COL23A1: variants seen among roughly 807,000 people sequenced by gnomAD.
The protein encoded by COL23A1 is collagen alpha-1(XXIII) chain.
In COL23A1, 97 loss-of-function variants were observed where a neutral mutation model predicts 99.3. The observed-to-expected ratio is 0.98, with a 90% CI of 0.83 to 1.16. The LOEUF (loss-of-function observed/expected upper bound fraction) is 1.16. COL23A1 is among the 50% of genes most tolerant of loss of function. COL23A1 has a pLI of 0.00. For missense variants in COL23A1, 762 were observed against 757.4 expected (o/e 1.01, Z -0.07); for synonymous variants, 320 against 308.2 (o/e 1.04, Z -0.40).
chr5:178,346,688 C>T (rs369568858), intron 2 of COL23A1, among the ~76,000 whole-genome samples: 20 of 152,230 alleles, frequency 1.3e-4, no homozygotes, highest in Admixed American at 8.5e-4. Flanking sequence ...CCTGTAGATG[C>T]TGAAATCACA....
chr5:178,360,362 G>A lies in COL23A1; in HGVS notation c.362-53443C>T, dbSNP rs748059996. On this transcript the variant is annotated intron_variant, in intron 2 of 28. Transcript: ENST00000390654. ...TTAGATTGCAAAATCTTTTCCCAGC[G>A]GGGACAGGTCAATTTAAAGTGGCGG... Among the ~76,000 whole-genome samples, 3 of 152,198 alleles carry A rather than the reference G, an allele frequency of 2.0e-5. No homozygotes were observed. The South Asian group carries it at 6.2e-4, about 32-fold the overall frequency.
chr5:178,301,441 T>C (rs141881192), intron 3 of COL23A1, among the ~76,000 whole-genome samples: 182 of 152,382 alleles, frequency 1.2e-3, no homozygotes, highest in African/African-American at 4.1e-3. Context: ...TCCTCAGGGA[T>C]AGTTTCTATT....
intron 2 of COL23A1, among the ~76,000 whole-genome samples, chr5:178,410,922 T>TA (rs1765024468): frequency 1.3e-5 from 2 of 152,212 alleles, no homozygotes; most frequent in South Asian, 4.2e-4. Context: ...ATAATCAAAT[T>TA]AAAAAACGCT....
chr5:178,264,781 C>T (rs772563058), intron 8 of COL23A1, among the ~76,000 whole-genome samples: 20 of 152,136 alleles, frequency 1.3e-4, no homozygotes, highest in Non-Finnish European at 2.4e-4. Flanking sequence ...CTCAGCCTCC[C>T]GAGTAGGTGG....
chr5:178,357,496 C>T (rs1015163961), intron 2 of COL23A1, among the ~76,000 whole-genome samples: 14 of 152,186 alleles, frequency 9.2e-5, no homozygotes, highest in African/African-American at 2.4e-4. Flanking sequence ...TTTAACCGTC[C>T]GCTGGGGAAA....
intron 1 of COL23A1, among the ~76,000 whole-genome samples, 159 bp from the exon 2 acceptor site, chr5:178,560,907 CA>C (rs1762528967): frequency 6.6e-6 from 1 of 152,204 alleles, no homozygotes; most frequent in African/African-American, 2.4e-5. Flanking sequence ...TTAAACTCTA[CA>C]GGGAATTTTA....
At chr5:178,451,097 C>CA (rs1767462235) in intron 2 of COL23A1, among the ~76,000 whole-genome samples, 1 of 152,158 alleles carries the variant, frequency 6.6e-6, no homozygotes, top group South Asian at 2.1e-4. Context: ...ACTTTGTTTT[C>CA]AAAGCAAGCT....
intron 2 of COL23A1, among the ~76,000 whole-genome samples, chr5:178,458,166 C>CTGAAATATATTAAA (rs59643812): frequency 6.6e-6 from 1 of 151,530 alleles, no homozygotes; most frequent in African/African-American, 2.4e-5. Flanking sequence ...CTGCGATTGA[C>CTGAAATATATTAAA]CTCACTTCTG....
chr5:178,337,075 G>A (rs965398912), intron 2 of COL23A1, among the ~76,000 whole-genome samples: 3 of 152,204 alleles, frequency 2.0e-5, no homozygotes, highest in Admixed American at 6.5e-5. Flanking sequence ...ATTGGAATTC[G>A]ATTTCCCATG....
At chr5:178,373,947 G>A (rs1041128290) in intron 2 of COL23A1, among the ~76,000 whole-genome samples, 6 of 152,158 alleles carry the variant, frequency 3.9e-5, no homozygotes, top group East Asian at 1.9e-4. Flanking sequence ...GGGCAGGCAC[G>A]AGTGGGGCCG....
chr5:178,260,161 G>A (rs1765552113), intron 11 of COL23A1, among the ~76,000 whole-genome samples: 2 of 152,228 alleles, frequency 1.3e-5, no homozygotes, highest in African/African-American at 4.8e-5. Flanking sequence ...TGCAGAGGCT[G>A]GACAAGCTAA....
rs984360152 is a variant in COL23A1, at chr5:178,384,324, C to T, written c.362-77405G>A. ...GAGGCCCGGCCTGGCCACTGCCTGG[C>T]GTTTTCTCATAAACCAGCTTTCACG... On this transcript the variant is annotated intron_variant, in intron 2 of 28. Coordinates refer to ENST00000390654, the MANE Select transcript of COL23A1 (RefSeq NM_173465.4). The surrounding 1 kb of genome is among the most constrained non-coding windows in gnomAD (Gnocchi z 5.5). 2.6e-5 allele frequency among the ~76,000 whole-genome samples: 4 copies of T among 152,248 alleles called. No individual in the cohort carries two copies. The highest frequency in any genetic ancestry group is 1.9e-4 in the East Asian group (1 of 5,188).
chr5:178,586,638 G>C (rs1166083667), intron 1 of COL23A1, among the ~76,000 whole-genome samples: 1 of 151,418 alleles, frequency 6.6e-6, no homozygotes, highest in South Asian at 2.1e-4. Flanking sequence ...AGAAAAGAGT[G>C]GAGAGAGAAA....
chr5:178,433,970 G>A (rs1766406828), intron 2 of COL23A1, among the ~76,000 whole-genome samples: 1 of 152,194 alleles, frequency 6.6e-6, no homozygotes, highest in African/African-American at 2.4e-5. Context: ...CACAGGGAGA[G>A]GCAGCTACCT....
chr5:178,385,037 G>A (rs141480722), intron 2 of COL23A1, among the ~76,000 whole-genome samples: 50 of 152,264 alleles, frequency 3.3e-4, no homozygotes, highest in African/African-American at 1.2e-3. Context: ...AGGTCCTGAC[G>A]GGGTAGTCTT....
rs544875900 is a variant in COL23A1, at chr5:178,556,579, C to G, written c.361+4103G>C. Among the ~76,000 whole-genome samples, 184 of 151,228 alleles carry G rather than the reference C, an allele frequency of 1.2e-3. 1 individual carries two copies. The highest frequency in any genetic ancestry group is 4.4e-3 in the African/African-American group (179 of 41,078). ...TGGAGGTTGCAGTGAGCCAAGATCG[C>G]ACCACTGCACTCCAGCCTGGGCAAC... On this transcript the variant is annotated intron_variant, in intron 2 of 28. Transcript: ENST00000390654.
chr5:178,449,376 G>T (rs1408620288), intron 2 of COL23A1, among the ~76,000 whole-genome samples: 1 of 152,108 alleles, frequency 6.6e-6, no homozygotes, highest in Non-Finnish European at 1.5e-5. Context: ...ATAGTAACTG[G>T]CCATTCGCCT....
Position 178,258,407 on chromosome 5 carries a change from T to G in COL23A1, c.730-840A>C, listed in dbSNP as rs867113750. 8.5e-5 allele frequency among the ~76,000 whole-genome samples: 12 copies of G among 141,142 alleles called. No individual in the cohort carries two copies. In the South Asian group the frequency reaches 9.6e-4, roughly 11 times the overall value. The allele number at this position is 141,142 out of a possible 152,430, so 92.6% of individuals were successfully genotyped here. ...AAGATGGGAGAGGTTTTTTTTTTTT[T>G]TTTTTTGTAAGGTGAGTCTCACTCT... On this transcript the variant is annotated intron_variant, in intron 12 of 28. Coordinates refer to ENST00000390654, the MANE Select transcript of COL23A1 (RefSeq NM_173465.4).
chr5:178,379,199 C>A (rs7709949), intron 2 of COL23A1, among the ~76,000 whole-genome samples: 15,608 of 150,728 alleles, frequency 0.1, 1,599 homozygotes, highest in African/African-American at 0.28. Flanking sequence ...TTAAAAAAAA[C>A]AAACAAACCA....
Sources: allele counts gnomAD v4.1 joint callset (sites outside exome capture counted in the v4.1 genomes callset), GRCh38; gene constraint gnomAD v4.1.1; non-coding constraint Gnocchi (gnomAD v3.1); transcripts MANE v1.5; gene names NCBI Gene and HGNC (gene_info 2026-07-23, HGNC 2026-07-21).